Variants in THSD7A observed in about 807,000 individuals in gnomAD.
THSD7A encodes the protein thrombospondin type-1 domain-containing protein 7A.
THSD7A carries 96 observed loss-of-function variants against 231.3 expected under a neutral mutation model. The ratio of observed to expected loss-of-function variants is 0.41; its 90% CI spans 0.35 to 0.49. THSD7A has a LOEUF of 0.49. Ranked by LOEUF, THSD7A falls within the 20% of genes least tolerant of loss-of-function variation. The pLI, the probability that THSD7A is intolerant of heterozygous loss-of-function variation, is 0.05. For missense variants in THSD7A, 2,290 were observed against 2,070.2 expected (o/e 1.11, Z -2.06); for synonymous variants, 940 against 743.3 (o/e 1.26, Z -4.30).
chr7:11,563,287 A>C (rs1790152827), intron 4 of THSD7A, among the ~76,000 whole-genome samples: 1 of 152,200 alleles, frequency 6.6e-6, no homozygotes, highest in African/African-American at 2.4e-5. Flanking sequence ...CTTGAGAATT[A>C]TCTTTTGGTA....
intron 1 of THSD7A, among the ~76,000 whole-genome samples, chr7:11,648,607 C>T (rs1782375028): frequency 6.9e-6 from 1 of 144,798 alleles, no homozygotes. Flanking sequence ...TCTACTAGGA[C>T]CCAATAGCTT....
chr7:11,400,574 G>T (rs1226275641), intron 23 of THSD7A, among the ~76,000 whole-genome samples: 1 of 151,944 alleles, frequency 6.6e-6, no homozygotes, highest in Non-Finnish European at 1.5e-5. Context: ...TCTTGCCTTG[G>T]GAATTATTTT....
chr7:11,374,901 C>T lies in THSD7A; in HGVS notation c.*893G>A, dbSNP rs1441642469. 1 of 152,034 alleles carries T rather than the reference C, an allele frequency of 6.6e-6. No homozygotes were observed. The highest frequency in any genetic ancestry group is 1.5e-5 in the Non-Finnish European group (1 of 67,992). 9.4% of individuals were successfully genotyped at this position (152,034 alleles called of 1,614,324 possible). A position where few individuals can be genotyped will look rare whatever the true frequency, so the allele number is the denominator to read the frequency against. ...AGAACTTGCAAATGTCTTCATGCCA[C>T]TCTTGGCACAGATGTCTTCATCCCA... is the stretch of plus-strand genomic sequence containing the variant. On this transcript the variant is annotated 3_prime_UTR_variant, in exon 28 of 28. Coordinates refer to ENST00000423059, the MANE Select transcript of THSD7A (RefSeq NM_015204.3).
chr7:11,499,803 C>A (rs2107142), intron 6 of THSD7A, among the ~76,000 whole-genome samples: 109,810 of 152,116 alleles, frequency 0.72, 39,676 homozygotes, highest in South Asian at 0.83. Flanking sequence ...AAAACATCTG[C>A]GAAGTATGGG....
chr7:11,508,386 TC>T (rs1787648343), intron 6 of THSD7A, among the ~76,000 whole-genome samples: 1 of 151,936 alleles, frequency 6.6e-6, no homozygotes, highest in Non-Finnish European at 1.5e-5. Flanking sequence ...TTCATACCTG[TC>T]AGAACAGCTA....
intron 15 of THSD7A, 58 bp from the exon 16 acceptor site, chr7:11,424,887 A>C: frequency 6.3e-7 from 1 of 1,599,528 alleles, no homozygotes; most frequent in South Asian, 1.1e-5. Context: ...GAGGAGGAAG[A>C]CTTCCACACC....
chr7:11,620,763 C>A (rs199888791), intron 2 of THSD7A, among the ~76,000 whole-genome samples: 2 of 152,138 alleles, frequency 1.3e-5, no homozygotes, highest in Non-Finnish European at 2.9e-5. Flanking sequence ...CTAGCACAAC[C>A]GAAGCACTTC....
At chr7:11,792,242 G>A (rs1456150376) in intron 1 of THSD7A, among the ~76,000 whole-genome samples, 1 of 151,940 alleles carries the variant, frequency 6.6e-6, no homozygotes, top group East Asian at 1.9e-4. Flanking sequence ...TAACTGATCA[G>A]TCTGCTGGTA....
chr7:11,542,235 G>C (rs1016070672), intron 5 of THSD7A, among the ~76,000 whole-genome samples: 13 of 152,160 alleles, frequency 8.5e-5, no homozygotes, highest in East Asian at 5.8e-4. Flanking sequence ...GTCCTGCTTT[G>C]TGCTTTAATA....
chr7:11,590,486 T>C lies in THSD7A; in HGVS notation c.1427A>G (p.Gln476Arg). 1 of 1,612,854 alleles carries C rather than the reference T, an allele frequency of 6.2e-7. No homozygotes were observed. Among genetic ancestry groups the C allele is most frequent in the East Asian group, 2.2e-5 (1 of 44,856 alleles). Residue 476 changes from glutamine (Q) to arginine (R), a missense_variant, in exon 4 of 28, where the codon CAA becomes CGA. Physicochemically the swap from Gln to Arg is conservative, Grantham distance 43. Coordinates refer to ENST00000423059, the MANE Select transcript of THSD7A (RefSeq NM_015204.3). The surrounding 1 kb of genome is among the most constrained non-coding windows in gnomAD (Gnocchi z 4.4). ...TTCTTTGTTCTTGTGGGTACTTAAT[T>C]GTGAGAGGAGGTTTTCGTTGGCCTG... ...CVQANENLLS[Q>R]LSTHKNKEAS...
chr7:11,475,608 CATATATAACAT>C (rs1246477007), intron 7 of THSD7A, among the ~76,000 whole-genome samples: 11 of 146,880 alleles, frequency 7.5e-5, no homozygotes, highest in Non-Finnish European at 1.2e-4. Flanking sequence ...ATATATATAA[CATATATAACAT>C]ATATATAACA....
At chr7:11,509,647 C>T (rs373594207) in intron 6 of THSD7A, among the ~76,000 whole-genome samples, 185 of 150,248 alleles carry the variant, frequency 1.2e-3, no homozygotes, top group African/African-American at 3.9e-3. Flanking sequence ...GGTGAAACCC[C>T]GTCTCTATTA....
chr7:11,733,440 A>G (rs1385755762), intron 1 of THSD7A, among the ~76,000 whole-genome samples: 2 of 151,952 alleles, frequency 1.3e-5, no homozygotes, highest in Non-Finnish European at 2.9e-5. Context: ...AAGATAAGAT[A>G]TATGGGTTCA....
intron 6 of THSD7A, among the ~76,000 whole-genome samples, chr7:11,502,867 G>A (rs559151115): frequency 1.7e-3 from 261 of 152,252 alleles, no homozygotes; most frequent in Middle Eastern, 0.014. Flanking sequence ...TCATTAAAAT[G>A]GCTATACTGC....
intron 1 of THSD7A, among the ~76,000 whole-genome samples, chr7:11,812,510 G>A (rs994544529): frequency 6.6e-6 from 1 of 152,070 alleles, no homozygotes; most frequent in Admixed American, 6.6e-5. Context: ...AACTGTAAGA[G>A]AAAATGGTAA....
At chr7:11,543,417 T>C (rs1015065988) in intron 4 of THSD7A, among the ~76,000 whole-genome samples, 3 of 152,216 alleles carry the variant, frequency 2.0e-5, no homozygotes, top group African/African-American at 4.8e-5. Flanking sequence ...CTGCAAAATA[T>C]TCCTTAAGGT....
intron 24 of THSD7A, among the ~76,000 whole-genome samples, chr7:11,381,986 C>T (rs1782534825): frequency 6.6e-6 from 1 of 152,116 alleles, no homozygotes; most frequent in Admixed American, 6.6e-5. Context: ...GATGCAGGCA[C>T]AGTAGGTCAG....
At chr7:11,552,164 G>A (rs979316406) in intron 4 of THSD7A, among the ~76,000 whole-genome samples, 12 of 152,036 alleles carry the variant, frequency 7.9e-5, no homozygotes, top group Non-Finnish European at 1.5e-4. Context: ...ACCTGAGGGT[G>A]TAAGGTGGGA....
chr7:11,511,273 G>A (rs1006295595), intron 6 of THSD7A, among the ~76,000 whole-genome samples: 6 of 152,184 alleles, frequency 3.9e-5, no homozygotes, highest in Non-Finnish European at 8.8e-5. Context: ...ACTGCTCAAC[G>A]AAATAAAAGA....
Sources: allele counts gnomAD v4.1 joint callset (sites outside exome capture counted in the v4.1 genomes callset), GRCh38; gene constraint gnomAD v4.1.1; non-coding constraint Gnocchi (gnomAD v3.1); transcripts MANE v1.5; gene names NCBI Gene and HGNC (gene_info 2026-07-23, HGNC 2026-07-21).